Variants in SYT13 observed in about 807,000 individuals in gnomAD.
SYT13 encodes the protein synaptotagmin-13.
Under a neutral mutation model 38.6 loss-of-function variants are expected in SYT13, and 21 were observed. The observed-to-expected ratio is 0.54, with a 90% CI of 0.39 to 0.78. The LOEUF (loss-of-function observed/expected upper bound fraction) is 0.78. Ranked by LOEUF, SYT13 falls within the 30% of genes least tolerant of loss-of-function variation. The pLI is 0.00. For missense variants in SYT13, 495 were observed against 548.7 expected (o/e 0.90, Z 0.98); for synonymous variants, 241 against 237.6 (o/e 1.01, Z -0.13).
At chr11:45,260,818 G>A (rs1854806456) in intron 1 of SYT13, among the ~76,000 whole-genome samples, 1 of 152,164 alleles carries the variant, frequency 6.6e-6, no homozygotes, top group Admixed American at 6.5e-5. Context: ...ACCTTTGGCT[G>A]CTTGCTCCCC....
chr11:45,244,375 G>A lies in SYT13; in HGVS notation c.977-19C>T. ...GAGACATCTGGGGAGGGGCAGAGGG[G>A]AAAAAGAGACAGAGAGAAGGGACAA... On this transcript the variant is annotated intron_variant, in intron 5 of 5. Coordinates refer to ENST00000020926, the MANE Select transcript of SYT13 (RefSeq NM_020826.3). 1 of 1,601,826 alleles carries A rather than the reference G, an allele frequency of 6.2e-7. No homozygotes were observed. The highest frequency in any genetic ancestry group is 8.5e-7 in the Non-Finnish European group (1 of 1,173,134).
At chr11:45,256,373 CCA>C (rs199824967) in intron 1 of SYT13, among the ~76,000 whole-genome samples, 2,283 of 152,276 alleles carry the variant, frequency 0.015, 43 homozygotes, top group African/African-American at 0.046. Context: ...TTGCTCATCT[CCA>C]GTCACTGAGC....
At chr11:45,277,521 C>T (rs1855024379) in intron 1 of SYT13, among the ~76,000 whole-genome samples, 2 of 152,094 alleles carry the variant, frequency 1.3e-5, no homozygotes, top group Admixed American at 1.3e-4. Flanking sequence ...TCTACAATGC[C>T]CTGCTCATCC....
intron 2 of SYT13, 101 bp from the exon 3 acceptor site, chr11:45,254,505 CAA>C: frequency 6.7e-7 from 1 of 1,493,478 alleles, no homozygotes; most frequent in South Asian, 1.4e-5. Context: ...AACCCAAACC[CAA>C]GTCTTCCCAG....
At chr11:45,285,925 G>T (rs928100835) in intron 1 of SYT13, 100 bp downstream of exon 1, 6 of 1,484,168 alleles carry the variant, frequency 4.0e-6, no homozygotes, top group Non-Finnish European at 5.4e-6. Flanking sequence ...AAGCTTTGTC[G>T]CGCAAAGATC....
At chr11:45,284,224 T>C (rs1025088909) in intron 1 of SYT13, among the ~76,000 whole-genome samples, 13 of 151,940 alleles carry the variant, frequency 8.6e-5, no homozygotes, top group Admixed American at 6.6e-4. Context: ...AGCAGGTGAG[T>C]GGGTGGAGAG....
rs150266038 is a variant in SYT13 at position 45,255,887 on chromosome 11, T to C, written c.188A>G (p.Asn63Ser). The C allele has an allele frequency of 9.9e-6, 16 of 1,613,952 alleles. No homozygotes were observed. Among genetic ancestry groups the C allele is most frequent in the Non-Finnish European group, 1.2e-5 (14 of 1,180,020 alleles). ...PSLLGSAQQF[N>S]VKKSTEPVQP... The stretch of plus-strand genomic sequence containing the variant: ...AACAGGTTCCGTGGACTTTTTAACA[T>C]TGAACTGCAAACACAAATTACTCTG... The change falls in exon 2 of 6, where the codon AAT (asparagine) becomes AGT (serine). Residue 63 changes from asparagine (N) to serine (S), a missense_variant. Coordinates refer to ENST00000020926, the MANE Select transcript of SYT13 (RefSeq NM_020826.3).
chr11:45,275,586 G>A (rs1855000836), intron 1 of SYT13, among the ~76,000 whole-genome samples: 1 of 152,154 alleles, frequency 6.6e-6, no homozygotes, highest in Admixed American at 6.5e-5. Context: ...TAAGCAGTGT[G>A]TAAAAATCTC....
At chr11:45,273,799 T>G (rs907311685) in intron 1 of SYT13, among the ~76,000 whole-genome samples, 1 of 152,254 alleles carries the variant, frequency 6.6e-6, no homozygotes, top group Admixed American at 6.5e-5. Context: ...ACGTTTCATT[T>G]ATCACGTCTG....
At position 45,252,815 on chromosome 11, in the gene SYT13, T is replaced by C. The variant is rs1435786874; in HGVS notation, c.545-93A>G. 20 of 1,385,376 alleles carry C rather than the reference T, an allele frequency of 1.4e-5. No homozygotes were observed. In the East Asian group the frequency reaches 1.9e-4, roughly 13 times the overall value. The allele number at this position is 1,385,376 out of a possible 1,614,324, so 85.8% of individuals were successfully genotyped here. On this transcript the variant is annotated intron_variant, in intron 3 of 5. Coordinates refer to ENST00000020926, the MANE Select transcript of SYT13 (RefSeq NM_020826.3). The surrounding 1 kb of genome is among the most constrained non-coding windows in gnomAD (Gnocchi z 4.3). Reference sequence around the variant, plus strand: ...CTTGCTTAGGGCTGTGGAATCCAGCTTAACGACGTGACCTTGGGTGTCAGA... The same window carrying C: ...CTTGCTTAGGGCTGTGGAATCCAGCCTAACGACGTGACCTTGGGTGTCAGA...
intron 1 of SYT13, among the ~76,000 whole-genome samples, chr11:45,258,838 A>G (rs1319727842): frequency 6.6e-6 from 1 of 152,192 alleles, no homozygotes; most frequent in Non-Finnish European, 1.5e-5. Flanking sequence ...TGGAGGAGAC[A>G]CACAGAGCGA....
intron 4 of SYT13, among the ~76,000 whole-genome samples, chr11:45,249,561 T>C (rs955689796): frequency 6.6e-6 from 1 of 152,182 alleles, no homozygotes; most frequent in Non-Finnish European, 1.5e-5. Context: ...CGGAATACTA[T>C]GCAGCCATAA....
Position 45,241,110 on chromosome 11 carries a change from G to T in SYT13, c.*2942C>A, listed in dbSNP as rs1275989261. 1 of 152,182 alleles carries T rather than the reference G, an allele frequency of 6.6e-6. No homozygotes were observed. 9.4% of individuals were successfully genotyped at this position (152,182 alleles called of 1,614,324 possible). A position where few individuals can be genotyped will look rare whatever the true frequency, so the allele number is the denominator to read the frequency against. On this transcript the variant is annotated 3_prime_UTR_variant, in exon 6 of 6. Transcript: ENST00000020926. Reference sequence around the variant, plus strand: ...ACATTTACATGGAGAGCAATGAGTTGCCATTAGGCAAATAGTAATACTCAT... The same window carrying T: ...ACATTTACATGGAGAGCAATGAGTTTCCATTAGGCAAATAGTAATACTCAT...
intron 1 of SYT13, among the ~76,000 whole-genome samples, chr11:45,277,813 A>G: frequency 6.6e-6 from 1 of 152,222 alleles, no homozygotes; most frequent in East Asian, 1.9e-4. Context: ...TTACACTTAC[A>G]AAGCAACAGA....
In SYT13 at chr11:45,241,995, A is replaced by C. The variant is rs758958612; in HGVS notation, c.*2057T>G. 6.6e-6 allele frequency: 1 copy of C among 152,214 alleles called. No individual in the cohort carries two copies. The highest frequency in any genetic ancestry group is 6.5e-5 in the Admixed American group (1 of 15,286). 9.4% of individuals were successfully genotyped at this position (152,214 alleles called of 1,614,324 possible). A position where few individuals can be genotyped will look rare whatever the true frequency, so the allele number is the denominator to read the frequency against. ...AGAGGATGGTTAGAAGTTATTTCTA[A>C]TGCTTTTCTATTTCTGTACAGAAAG... is the stretch of plus-strand genomic sequence containing the variant. On this transcript the variant is annotated 3_prime_UTR_variant, in exon 6 of 6. Transcript: ENST00000020926.
At chr11:45,254,871 C>T (rs563195618) in intron 2 of SYT13, among the ~76,000 whole-genome samples, 8 of 152,182 alleles carry the variant, frequency 5.3e-5, no homozygotes, top group Middle Eastern at 3.4e-3. Flanking sequence ...CCCAGCACTT[C>T]GAGAGGCCAA....
At chr11:45,259,758 G>A (rs2863179) in intron 1 of SYT13, among the ~76,000 whole-genome samples, 1 of 152,056 alleles carries the variant, frequency 6.6e-6, no homozygotes, top group East Asian at 1.9e-4. Flanking sequence ...CCAGATGGAA[G>A]GGAGGGACTT....
intron 1 of SYT13, among the ~76,000 whole-genome samples, chr11:45,272,113 C>T (rs1854956828): frequency 6.6e-6 from 1 of 152,134 alleles, no homozygotes; most frequent in Non-Finnish European, 1.5e-5. Flanking sequence ...CCAAGCACTG[C>T]ATGTTCTCAC....
Position 45,243,976 on chromosome 11 carries a change from G to T in SYT13, c.*76C>A. The T allele has an allele frequency of 6.9e-7, 1 of 1,449,080 alleles. No individual in the cohort carries two copies. Among genetic ancestry groups the T allele is most frequent in the Non-Finnish European group, 9.3e-7 (1 of 1,078,786 alleles). The allele number at this position is 1,449,080 out of a possible 1,614,324, so 89.8% of individuals were successfully genotyped here. A position where few individuals can be genotyped will look rare whatever the true frequency, so the allele number is the denominator to read the frequency against. On this transcript the variant is annotated 3_prime_UTR_variant, in exon 6 of 6. Coordinates refer to ENST00000020926, the MANE Select transcript of SYT13 (RefSeq NM_020826.3). ...GTCACTGTCTTCTGGGTGTCAGAAT[G>T]AGGAAAGGGGCACAGAAAGGAGGTT...
Sources: gnomAD v4.1 joint callset for allele counts (sites outside exome capture counted in the v4.1 genomes callset) on GRCh38, gnomAD v4.1.1 for gene constraint, Gnocchi (gnomAD v3.1) non-coding constraint, MANE v1.5 for transcripts, NCBI Gene and HGNC (gene_info 2026-07-23, HGNC 2026-07-21) for gene names.